The following CNTNAP2 variants were observed in gnomAD, a reference collection of about 807,000 sequenced individuals.
CNTNAP2 encodes contactin-associated protein-like 2.
In CNTNAP2, 98 loss-of-function variants were observed where a neutral mutation model predicts 155.2. That is an observed-to-expected ratio of 0.63 (90% CI 0.54 to 0.75). The LOEUF is 0.75. CNTNAP2 is among the 30% of genes least tolerant of loss of function. CNTNAP2 has a pLI of 0.00. For synonymous variants in CNTNAP2, 651 were observed against 631.2 expected (o/e 1.03, Z -0.47); for missense variants, 1,727 against 1,688.1 (o/e 1.02, Z -0.40).
At chr7:146,708,300 C>G (rs1039004775) in intron 1 of CNTNAP2, among the ~76,000 whole-genome samples, 3 of 151,994 alleles carry the variant, frequency 2.0e-5, no homozygotes, top group African/African-American at 7.3e-5. Flanking sequence ...TTCAATGATA[C>G]ATGTTTAACA....
intron 13 of CNTNAP2, among the ~76,000 whole-genome samples, chr7:147,735,263 C>A (rs1796821126): frequency 6.6e-6 from 1 of 152,126 alleles, no homozygotes; most frequent in Non-Finnish European, 1.5e-5. Flanking sequence ...TTATTTCTGT[C>A]TTCATTTTAT....
intron 1 of CNTNAP2, among the ~76,000 whole-genome samples, chr7:146,577,575 A>T (rs1241194024): frequency 6.6e-6 from 1 of 152,044 alleles, no homozygotes; most frequent in Admixed American, 6.6e-5. Context: ...TCAGGGAATC[A>T]AGAAAATTTT....
chr7:146,911,425 G>A (rs1036842956), intron 3 of CNTNAP2, among the ~76,000 whole-genome samples: 33 of 152,080 alleles, frequency 2.2e-4, no homozygotes, highest in African/African-American at 7.5e-4. Context: ...AACAATGATA[G>A]ACTGGATTAA....
intron 1 of CNTNAP2, among the ~76,000 whole-genome samples, chr7:146,379,143 T>C (rs962789393): frequency 1.2e-4 from 18 of 152,340 alleles, no homozygotes; most frequent in African/African-American, 4.1e-4. Context: ...ACCAATGCTC[T>C]TAGTACCCAG....
At chr7:148,179,085 C>A (rs1304500030) in intron 18 of CNTNAP2, among the ~76,000 whole-genome samples, 1 of 152,158 alleles carries the variant, frequency 6.6e-6, no homozygotes, top group Non-Finnish European at 1.5e-5. Flanking sequence ...GAAACCACAC[C>A]CACCATATCG....
At chr7:148,170,545 ACT>A (rs2116688468) in intron 17 of CNTNAP2, among the ~76,000 whole-genome samples, 1 of 152,306 alleles carries the variant, frequency 6.6e-6, no homozygotes, top group African/African-American at 2.4e-5. Flanking sequence ...TTTGCCATCT[ACT>A]CTCTCATAGC....
chr7:146,979,926 A>T (rs1797982083), intron 3 of CNTNAP2, among the ~76,000 whole-genome samples: 1 of 152,232 alleles, frequency 6.6e-6, no homozygotes, highest in Non-Finnish European at 1.5e-5. Flanking sequence ...AAGTCATGTT[A>T]GGTTGGTGCA....
At chr7:148,112,912 G>A (rs1251845319) in intron 15 of CNTNAP2, among the ~76,000 whole-genome samples, 1 of 151,790 alleles carries the variant, frequency 6.6e-6, no homozygotes, top group Non-Finnish European at 1.5e-5. Flanking sequence ...AAAAGTGTGA[G>A]AAGGTGTCTC....
chr7:148,392,559 C>T (rs1466129979), intron 22 of CNTNAP2, among the ~76,000 whole-genome samples: 1 of 152,194 alleles, frequency 6.6e-6, no homozygotes, highest in African/African-American at 2.4e-5. Flanking sequence ...CTAACGCTAA[C>T]CTGCATCTGA....
chr7:148,003,837 G>A lies in CNTNAP2; in HGVS notation c.2383+25848G>A, dbSNP rs148555350. The stretch of plus-strand genomic sequence containing the variant: ...TAAATAGACAATTAGCCTCTTGGCA[G>A]CAGAAGCTACTTCTTATTTATCTCT... On this transcript the variant is annotated intron_variant, in intron 15 of 23. Coordinates refer to ENST00000361727, the MANE Select transcript of CNTNAP2 (RefSeq NM_014141.6). 1.8e-4 allele frequency among the ~76,000 whole-genome samples: 27 copies of A among 152,308 alleles called. No homozygotes were observed. In the East Asian group the frequency reaches 4.6e-3, roughly 26 times the overall value.
chr7:147,601,340 G>T (rs1337929412), intron 12 of CNTNAP2, among the ~76,000 whole-genome samples: 1 of 151,962 alleles, frequency 6.6e-6, no homozygotes, highest in Non-Finnish European at 1.5e-5. Context: ...ATAGGATTTG[G>T]GTAGGTAGTG....
intron 21 of CNTNAP2, among the ~76,000 whole-genome samples, chr7:148,283,089 A>C (rs1013273548): frequency 5.9e-5 from 9 of 151,710 alleles, no homozygotes; most frequent in African/African-American, 2.2e-4. Flanking sequence ...AACTACAAAA[A>C]TTAGCCAGGT....
intron 1 of CNTNAP2, among the ~76,000 whole-genome samples, chr7:146,443,817 C>T (rs751879267): frequency 2.0e-5 from 3 of 152,046 alleles, no homozygotes; most frequent in Non-Finnish European, 2.9e-5. Context: ...TTCTTTGTGC[C>T]CCAATTTTAT....
intron 8 of CNTNAP2, among the ~76,000 whole-genome samples, chr7:147,292,871 G>A (rs2116752315): frequency 6.6e-6 from 1 of 152,296 alleles, no homozygotes; most frequent in East Asian, 1.9e-4. Context: ...CCTAGTTCAG[G>A]TGATTCTCCT....
At chr7:146,718,494 GT>G (rs1477475702) in intron 1 of CNTNAP2, among the ~76,000 whole-genome samples, 1 of 151,932 alleles carries the variant, frequency 6.6e-6, no homozygotes, top group Non-Finnish European at 1.5e-5. Flanking sequence ...GGGAACCTCT[GT>G]TCCTTAAACC....
chr7:146,651,885 AC>A (rs1472094935), intron 1 of CNTNAP2, among the ~76,000 whole-genome samples: 3 of 152,174 alleles, frequency 2.0e-5, no homozygotes, highest in African/African-American at 4.8e-5. Context: ...CTAAGTAAAA[AC>A]CTTTTCAAGT....
chr7:148,384,208 C>G (rs1411251414), intron 22 of CNTNAP2, among the ~76,000 whole-genome samples: 3 of 152,142 alleles, frequency 2.0e-5, no homozygotes, highest in African/African-American at 7.2e-5. Flanking sequence ...TCACTTTTGC[C>G]TCTTATGACT....
chr7:147,407,872 G>T (rs957161212), intron 10 of CNTNAP2, among the ~76,000 whole-genome samples: 23 of 152,304 alleles, frequency 1.5e-4, no homozygotes, highest in African/African-American at 5.5e-4. Context: ...AGAAAGAAAG[G>T]CAGGAACATG....
chr7:147,264,870 C>T (rs779615061), intron 8 of CNTNAP2, among the ~76,000 whole-genome samples: 3 of 152,060 alleles, frequency 2.0e-5, no homozygotes, highest in Non-Finnish European at 2.9e-5. Context: ...CTCAAAAGGA[C>T]ATACTGAGGT....
Sources: allele counts gnomAD v4.1 joint callset (sites outside exome capture counted in the v4.1 genomes callset), GRCh38; gene constraint gnomAD v4.1.1; transcripts MANE v1.5; gene names NCBI Gene and HGNC (gene_info 2026-07-23, HGNC 2026-07-21).